The following RYR2 variants were observed in gnomAD, a reference collection of about 807,000 sequenced individuals.
RYR2 encodes the protein cardiac muscle ryanodine receptor-calcium release channel.
A neutral mutation model predicts 601.1 loss-of-function variants in RYR2; 227 were observed. That is an observed-to-expected ratio of 0.38 (90% CI 0.34 to 0.42). The LOEUF is 0.42. RYR2 is among the 10% of genes least tolerant of loss of function. The pLI is 1.00. For synonymous variants in RYR2, 2,223 were observed against 2,175.1 expected (o/e 1.02, Z -0.61); for missense variants, 4,646 against 6,156.5 (o/e 0.75, Z 8.21).
At chr1:237,247,465 G>A (rs954632747) in intron 1 of RYR2, among the ~76,000 whole-genome samples, 6 of 152,172 alleles carry the variant, frequency 3.9e-5, no homozygotes, top group Non-Finnish European at 4.4e-5. Context: ...GCGAAGAAGG[G>A]AACAGTAAAA....
At chr1:237,548,150 A>G (rs564115862) in intron 25 of RYR2, among the ~76,000 whole-genome samples, 1 of 152,356 alleles carries the variant, frequency 6.6e-6, no homozygotes, top group Non-Finnish European at 1.5e-5. Flanking sequence ...TATTAGGAAC[A>G]CAAACAATGA....
chr1:237,781,755 T>C (rs985779280), intron 89 of RYR2, 109 bp downstream of exon 89: 3 of 495,514 alleles, frequency 6.1e-6, no homozygotes, highest in South Asian at 4.7e-5. Context: ...TCAGATATGA[T>C]AGATGCCTTG....
chr1:237,139,232 A>C (rs1304987575), intron 1 of RYR2, among the ~76,000 whole-genome samples: 2 of 152,210 alleles, frequency 1.3e-5, no homozygotes, highest in African/African-American at 4.8e-5. Flanking sequence ...ATACTACCAC[A>C]TGGATGAGTC....
intron 101 of RYR2, among the ~76,000 whole-genome samples, chr1:237,825,323 A>G (rs778366474): frequency 3.3e-5 from 5 of 152,162 alleles, no homozygotes; most frequent in Non-Finnish European, 7.3e-5. Context: ...AGATATATAG[A>G]CCAATGGAAC....
chr1:237,605,338 C>T (rs1201731516), intron 35 of RYR2, among the ~76,000 whole-genome samples: 7 of 152,082 alleles, frequency 4.6e-5, no homozygotes, highest in African/African-American at 1.4e-4. Context: ...ATTATCTCAA[C>T]AGATGCAGAA....
At chr1:237,590,568 C>T in intron 30 of RYR2, 72 bp from the exon 31 acceptor site, 3 of 1,280,392 alleles carry the variant, frequency 2.3e-6, no homozygotes, top group Non-Finnish European at 3.2e-6. Flanking sequence ...CGTGATGTGC[C>T]TTAGTCATCT....
intron 1 of RYR2, among the ~76,000 whole-genome samples, chr1:237,219,977 A>G (rs1683629933): frequency 1.3e-5 from 2 of 152,224 alleles, no homozygotes; most frequent in Non-Finnish European, 2.9e-5. Flanking sequence ...TGTCATGTGC[A>G]TGCAAGTACT....
intron 10 of RYR2, among the ~76,000 whole-genome samples, chr1:237,394,626 C>A (rs1170580224): frequency 6.6e-6 from 1 of 152,150 alleles, no homozygotes; most frequent in African/African-American, 2.4e-5. Context: ...CTGAAATAAC[C>A]TTTTAAGACT....
intron 24 of RYR2, among the ~76,000 whole-genome samples, chr1:237,528,591 G>A (rs1272601881): frequency 3.9e-5 from 6 of 152,240 alleles, no homozygotes; most frequent in African/African-American, 1.4e-4. Flanking sequence ...AGTTTGCATT[G>A]GGAAGAAGAT....
intron 87 of RYR2, among the ~76,000 whole-genome samples, chr1:237,776,071 G>C (rs1053990348): frequency 6.6e-6 from 1 of 152,200 alleles, no homozygotes; most frequent in African/African-American, 2.4e-5. Flanking sequence ...TAACTATCAC[G>C]GGAAGAAAAT....
intron 14 of RYR2, among the ~76,000 whole-genome samples, chr1:237,452,109 G>GTGTGTGTA (rs1658239160): frequency 6.8e-6 from 1 of 146,998 alleles, no homozygotes; most frequent in African/African-American, 2.6e-5. Context: ...GTGTGTGTAT[G>GTGTGTGTA]TGTGTGTATA....
intron 1 of RYR2, among the ~76,000 whole-genome samples, chr1:237,206,472 AAAG>A (rs1366119297): frequency 1.3e-5 from 2 of 152,238 alleles, no homozygotes; most frequent in African/African-American, 4.8e-5. Flanking sequence ...TGGATGTAAA[AAAG>A]AAAGTTTTTC....
chr1:237,263,954 T>C (rs569942082), intron 1 of RYR2, among the ~76,000 whole-genome samples: 3 of 152,194 alleles, frequency 2.0e-5, no homozygotes, highest in African/African-American at 7.2e-5. Flanking sequence ...GAGAAGGGAC[T>C]CAGGGTGATA....
At chr1:237,651,975 T>C (rs1682801588) in intron 51 of RYR2, among the ~76,000 whole-genome samples, 1 of 151,770 alleles carries the variant, frequency 6.6e-6, no homozygotes, top group African/African-American at 2.4e-5. Context: ...AGGTGGAGCT[T>C]GCAGTGAGCC....
intron 1 of RYR2, among the ~76,000 whole-genome samples, chr1:237,244,786 G>A (rs1450047084): frequency 7.2e-6 from 1 of 138,302 alleles, no homozygotes; most frequent in Admixed American, 7.7e-5. Context: ...GCGAGACAAT[G>A]AGCCCCGGGT....
At chr1:237,822,966 T>C (rs2790353) in intron 101 of RYR2, among the ~76,000 whole-genome samples, 39,934 of 152,040 alleles carry the variant, frequency 0.26, 5,701 homozygotes, top group East Asian at 0.61. Context: ...AAGGGATCAA[T>C]GCAACAAGAA....
At chr1:237,663,457 C>A (rs1172257651) in intron 56 of RYR2, among the ~76,000 whole-genome samples, 1 of 152,120 alleles carries the variant, frequency 6.6e-6, no homozygotes, top group African/African-American at 2.4e-5. Context: ...GGGCTTAGCA[C>A]TCCCTCAGGG....
At chr1:237,110,635 C>T (rs778867135) in intron 1 of RYR2, among the ~76,000 whole-genome samples, 2 of 152,160 alleles carry the variant, frequency 1.3e-5, no homozygotes, top group Non-Finnish European at 2.9e-5. Flanking sequence ...TGAGAACTCT[C>T]GCTCTAGGCA....
intron 14 of RYR2, among the ~76,000 whole-genome samples, chr1:237,453,574 C>T (rs575252784): frequency 6.6e-5 from 10 of 152,236 alleles, no homozygotes; most frequent in African/African-American, 2.2e-4. Context: ...TATGCATTAA[C>T]AACTTGTCAT....
Sources: allele counts gnomAD v4.1 joint callset (sites outside exome capture counted in the v4.1 genomes callset), GRCh38; gene constraint gnomAD v4.1.1; transcripts MANE v1.5; gene names NCBI Gene and HGNC (gene_info 2026-07-23, HGNC 2026-07-21).